Variants in SUGCT observed in about 807,000 individuals in gnomAD.
SUGCT encodes the protein succinyl-CoA:glutarate CoA-transferase.
In SUGCT, 41 loss-of-function variants were observed where a neutral mutation model predicts 55.0. The ratio of observed to expected loss-of-function variants is 0.74; its 90% CI spans 0.58 to 0.97. The LOEUF (loss-of-function observed/expected upper bound fraction) is 0.97. SUGCT is among the 50% of genes least tolerant of loss of function. SUGCT has a pLI of 0.00. For missense variants in SUGCT, 568 were observed against 547.8 expected (o/e 1.04, Z -0.37); for synonymous variants, 187 against 200.4 (o/e 0.93, Z 0.56).
At chr7:40,874,201 T>C in the SUGCT span, among the ~76,000 whole-genome samples, 2 of 152,216 alleles carry the variant, frequency 1.3e-5, no homozygotes, top group South Asian at 4.1e-4. Flanking sequence ...AATTTTTCTG[T>C]AGACACTATG....
chr7:40,293,313 C>T (rs993372567), intron 8 of SUGCT, among the ~76,000 whole-genome samples: 6 of 152,158 alleles, frequency 3.9e-5, no homozygotes, highest in African/African-American at 1.4e-4. Flanking sequence ...TACCTTGGTC[C>T]TTCACAACAC....
intron 13 of SUGCT, among the ~76,000 whole-genome samples, chr7:40,825,217 A>G (rs574819728): frequency 2.6e-5 from 4 of 152,340 alleles, no homozygotes; most frequent in African/African-American, 9.6e-5. Flanking sequence ...AGAAACTGGG[A>G]AATGTAGTCT....
At chr7:40,321,748 A>G (rs1015106644) in intron 9 of SUGCT, among the ~76,000 whole-genome samples, 2 of 152,192 alleles carry the variant, frequency 1.3e-5, no homozygotes, top group South Asian at 2.1e-4. Flanking sequence ...ATGTTGCTGC[A>G]AACGATATGA....
chr7:40,286,559 G>A (rs1273316496), intron 8 of SUGCT, among the ~76,000 whole-genome samples: 1 of 152,144 alleles, frequency 6.6e-6, no homozygotes, highest in Non-Finnish European at 1.5e-5. Flanking sequence ...TACCACAGGT[G>A]GTAATAAGGA....
chr7:40,725,183 A>C (rs1786549895), intron 12 of SUGCT, among the ~76,000 whole-genome samples: 1 of 152,196 alleles, frequency 6.6e-6, no homozygotes, highest in Non-Finnish European at 1.5e-5. Flanking sequence ...ACTGAAGATG[A>C]GTTCAGGAAG....
chr7:40,351,515 T>C (rs977609704), intron 9 of SUGCT, among the ~76,000 whole-genome samples: 1 of 152,214 alleles, frequency 6.6e-6, no homozygotes, highest in African/African-American at 2.4e-5. Context: ...TTCACTACTC[T>C]TATAAGATTT....
At chr7:40,551,040 A>G (rs900809426) in intron 12 of SUGCT, among the ~76,000 whole-genome samples, 6 of 152,088 alleles carry the variant, frequency 3.9e-5, no homozygotes, top group Admixed American at 2.0e-4. Context: ...GCAGTGTGCC[A>G]TGTCTCTGCA....
At chr7:40,379,174 G>A (rs73136939) in intron 9 of SUGCT, among the ~76,000 whole-genome samples, 30,819 of 152,118 alleles carry the variant, frequency 0.2, 3,980 homozygotes, top group Middle Eastern at 0.3. Flanking sequence ...AACTGAATCT[G>A]TCCTATAGCT....
chr7:40,821,308 T>C (rs137876382), intron 13 of SUGCT, among the ~76,000 whole-genome samples: 11 of 152,326 alleles, frequency 7.2e-5, no homozygotes, highest in African/African-American at 2.6e-4. Context: ...TCCCTCTTTT[T>C]CTATTGATTG....
intron 6 of SUGCT, among the ~76,000 whole-genome samples, chr7:40,213,649 T>C (rs1009744951): frequency 3.3e-5 from 5 of 152,162 alleles, no homozygotes; most frequent in African/African-American, 1.2e-4. Flanking sequence ...GTGTGGAGTA[T>C]CTCTATTATT....
the SUGCT span, among the ~76,000 whole-genome samples, chr7:41,026,299 G>A: frequency 4.3e-4 from 66 of 152,232 alleles, no homozygotes; most frequent in African/African-American, 1.5e-3. Context: ...ATCTTTACCT[G>A]GTCAGCGCTG....
At chr7:40,310,527 A>G (rs936285870) in intron 8 of SUGCT, among the ~76,000 whole-genome samples, 32 of 152,166 alleles carry the variant, frequency 2.1e-4, no homozygotes, top group Non-Finnish European at 4.3e-4. Flanking sequence ...TTGGCTCTGT[A>G]ATTGTTAAGA....
intron 13 of SUGCT, among the ~76,000 whole-genome samples, chr7:40,789,131 T>C (rs1161308589): frequency 6.6e-6 from 1 of 152,220 alleles, no homozygotes; most frequent in Non-Finnish European, 1.5e-5. Context: ...AAACTTACCG[T>C]GAGATTTACT....
At chr7:40,692,702 G>T (rs1384158898) in intron 12 of SUGCT, among the ~76,000 whole-genome samples, 1 of 152,132 alleles carries the variant, frequency 6.6e-6, no homozygotes, top group African/African-American at 2.4e-5. Context: ...AAGCAAAATA[G>T]ATACAGAAAG....
the SUGCT span, among the ~76,000 whole-genome samples, chr7:40,933,049 A>T: frequency 6.6e-6 from 1 of 152,100 alleles, no homozygotes; most frequent in South Asian, 2.1e-4. Context: ...ACAATTTGGC[A>T]TGTTTTTACA....
At chr7:40,393,059 C>T (rs1785529834) in intron 9 of SUGCT, among the ~76,000 whole-genome samples, 1 of 152,120 alleles carries the variant, frequency 6.6e-6, no homozygotes, top group Non-Finnish European at 1.5e-5. Flanking sequence ...CCATATGAGT[C>T]TGATCTTGTC....
intron 13 of SUGCT, among the ~76,000 whole-genome samples, chr7:40,834,546 A>G (rs7809237): frequency 1.3e-5 from 2 of 152,000 alleles, no homozygotes; most frequent in African/African-American, 4.8e-5. Context: ...CTAAAAGTCA[A>G]CTTGTGATTT....
At chr7:40,357,279 A>G (rs1425055958) in intron 9 of SUGCT, among the ~76,000 whole-genome samples, 1 of 152,226 alleles carries the variant, frequency 6.6e-6, no homozygotes, top group Admixed American at 6.5e-5. Context: ...TAGCACAGCT[A>G]TAATGTCATT....
intron 13 of SUGCT, among the ~76,000 whole-genome samples, chr7:40,829,669 C>T (rs1298540927): frequency 6.6e-6 from 1 of 152,154 alleles, no homozygotes; most frequent in African/African-American, 2.4e-5. Flanking sequence ...AGTGGCATCT[C>T]CTTCCTCAGA....
Sources: gnomAD v4.1 joint callset for allele counts (sites outside exome capture counted in the v4.1 genomes callset) on GRCh38, gnomAD v4.1.1 for gene constraint, MANE v1.5 for transcripts, NCBI Gene and HGNC (gene_info 2026-07-23, HGNC 2026-07-21) for gene names.